The following PRKCQ variants were observed in gnomAD, a reference collection of about 807,000 sequenced individuals.
PRKCQ encodes the protein protein kinase C theta type.
A neutral mutation model predicts 91.2 loss-of-function variants in PRKCQ; 41 were observed. The observed-to-expected ratio is 0.45, with a 90% CI of 0.35 to 0.58. The LOEUF (loss-of-function observed/expected upper bound fraction) is 0.58, where lower values mean the gene tolerates loss of function less well. PRKCQ is among the 20% of genes least tolerant of loss of function. The probability of loss-of-function intolerance (pLI) is 0.00; values close to 1 mark genes in which losing one functional copy is unlikely to be tolerated. For synonymous variants in PRKCQ, 307 were observed against 316.9 expected (o/e 0.97, Z 0.33); for missense variants, 673 against 896.5 (o/e 0.75, Z 3.18).
chr10:6,455,787 C>G (rs1450930096), intron 15 of PRKCQ, among the ~76,000 whole-genome samples: 1 of 152,170 alleles, frequency 6.6e-6, no homozygotes, highest in Non-Finnish European at 1.5e-5. Flanking sequence ...GATGTGACCA[C>G]TGGGGGAAAC....
chr10:6,396,457 C>G, the PRKCQ span, among the ~76,000 whole-genome samples: 1 of 152,238 alleles, frequency 6.6e-6, no homozygotes, highest in African/African-American at 2.4e-5. Context: ...ATGTCAAGCC[C>G]TAGGCAAACA....
At chr10:6,535,112 A>T (rs1839532075) in intron 1 of PRKCQ, among the ~76,000 whole-genome samples, 1 of 152,176 alleles carries the variant, frequency 6.6e-6, no homozygotes, top group Admixed American at 6.5e-5. Context: ...AACCTGGCTC[A>T]CTTCTGCTGA....
At chr10:6,405,425 G>T in the PRKCQ span, among the ~76,000 whole-genome samples, 1 of 152,134 alleles carries the variant, frequency 6.6e-6, no homozygotes, top group Non-Finnish European at 1.5e-5. Context: ...CTCTCCTTTT[G>T]CGTCCTGGAC....
chr10:6,472,232 C>T lies in PRKCQ; in HGVS notation c.1353+6760G>A, dbSNP rs374764162. On this transcript the variant is annotated intron_variant, in intron 12 of 17. Coordinates refer to ENST00000263125, the MANE Select transcript of PRKCQ (RefSeq NM_006257.5). ...CTGAGGCAGGAGAATGGCGTGAACC[C>T]GGGAGGCAGAGCTTGCAGTGAGCCG... is the stretch of plus-strand genomic sequence containing the variant. 2.6e-5 allele frequency among the ~76,000 whole-genome samples: 4 copies of T among 152,064 alleles called. No individual in the cohort carries two copies. The South Asian group carries it at 6.2e-4, about 24-fold the overall frequency.
At chr10:6,395,054 G>GTTTTTTTTTTTTTTTTTT in the PRKCQ span, among the ~76,000 whole-genome samples, 2 of 129,952 alleles carry the variant, frequency 1.5e-5, no homozygotes, top group Non-Finnish European at 1.6e-5. Context: ...GGAAGCTGGA[G>GTTTTTTTTTTTTTTTTTT]TCTTTTTTTT....
chr10:6,564,005 A>G (rs1251713273), intron 1 of PRKCQ, among the ~76,000 whole-genome samples: 2 of 152,184 alleles, frequency 1.3e-5, no homozygotes, highest in African/African-American at 4.8e-5. Flanking sequence ...GAGCGTGAGG[A>G]AGTGCACTCA....
chr10:6,474,376 A>T (rs543502541), intron 12 of PRKCQ, among the ~76,000 whole-genome samples: 1 of 152,356 alleles, frequency 6.6e-6, no homozygotes, highest in East Asian at 1.9e-4. Flanking sequence ...GTGAAATAGT[A>T]ACACTACTTA....
chr10:6,580,271 G>A lies in PRKCQ; in HGVS notation c.-70C>T, dbSNP rs917131126. On this transcript the variant is annotated 5_prime_UTR_variant, in exon 1 of 18. Transcript: ENST00000263125. ...GCTGGGACTGCGCGGGGACTGCGCGGGGACTGCGCGGGGACTGGCGGGGCT... is the reference window on the plus strand; with the variant it reads ...GCTGGGACTGCGCGGGGACTGCGCGAGGACTGCGCGGGGACTGGCGGGGCT... 1.7e-5 allele frequency: 1 copy of A among 59,322 alleles called. No homozygotes were observed. Among genetic ancestry groups the A allele is most frequent in the Admixed American group, 1.4e-4 (1 of 7,094 alleles). The allele number at this position is 59,322 out of a possible 1,614,324, so 3.7% of individuals were successfully genotyped here.
At chr10:6,523,757 C>A (rs1347963840) in intron 1 of PRKCQ, among the ~76,000 whole-genome samples, 1 of 152,218 alleles carries the variant, frequency 6.6e-6, no homozygotes, top group African/African-American at 2.4e-5. Context: ...TAGATAGTCC[C>A]ACTAAGGCAT....
intron 15 of PRKCQ, among the ~76,000 whole-genome samples, chr10:6,445,279 G>A (rs148610348): frequency 2.6e-4 from 40 of 152,218 alleles, no homozygotes; most frequent in African/African-American, 9.1e-4. Context: ...CCACTCCTGG[G>A]AGACAGATCA....
chr10:6,517,453 A>T (rs975684474), intron 1 of PRKCQ, among the ~76,000 whole-genome samples: 34 of 151,928 alleles, frequency 2.2e-4, no homozygotes, highest in African/African-American at 7.5e-4. Flanking sequence ...ACATTTTCTC[A>T]GGCTTCCTTG....
intron 4 of PRKCQ, 117 bp from the exon 5 acceptor site, chr10:6,498,675 C>A: frequency 1.1e-6 from 1 of 916,578 alleles, no homozygotes. Flanking sequence ...GCTCTGAGTA[C>A]CTGCTGTAAC....
At chr10:6,413,348 C>T in the PRKCQ span, among the ~76,000 whole-genome samples, 1 of 152,182 alleles carries the variant, frequency 6.6e-6, no homozygotes, top group South Asian at 2.1e-4. Context: ...TAAAACTTCT[C>T]ATCAATGTCA....
chr10:6,446,324 A>T (rs1054751813), intron 15 of PRKCQ, among the ~76,000 whole-genome samples: 6 of 149,412 alleles, frequency 4.0e-5, no homozygotes, highest in Non-Finnish European at 8.9e-5. Context: ...TCTTGGTTTT[A>T]AACCTCAAGC....
At position 6,442,046 on chromosome 10, in the gene PRKCQ, G is replaced by A. The variant is rs113044394; in HGVS notation, c.1683C>T (p.Asp561=). 4.1e-4 allele frequency: 668 copies of A among 1,614,044 alleles called. 2 individuals are homozygous for A. The African/African-American group carries it at 8.0e-3, about 19-fold the overall frequency. Residue 561 remains aspartate (D), a synonymous_variant, in exon 16 of 18, where the codon GAC becomes GAT. Coordinates refer to ENST00000263125, the MANE Select transcript of PRKCQ (RefSeq NM_006257.5). Reference sequence around the variant, plus strand: ...AAAGGAGAACCCCGAAGGACCACCAGTCCACAGAGTGGTTGTATTTCTGAC... The same window carrying A: ...AAAGGAGAACCCCGAAGGACCACCAATCCACAGAGTGGTTGTATTTCTGAC... ...LLGQKYNHSV[D]WWSFGVLLYE... is the part of the protein sequence containing the mutation.
At chr10:6,542,352 T>C (rs1222639303) in intron 1 of PRKCQ, among the ~76,000 whole-genome samples, 1 of 152,226 alleles carries the variant, frequency 6.6e-6, no homozygotes, top group Non-Finnish European at 1.5e-5. Flanking sequence ...CTTGGAGAAA[T>C]ATCCTTGCAT....
At chr10:6,536,801 G>A (rs1839600725) in intron 1 of PRKCQ, among the ~76,000 whole-genome samples, 1 of 152,176 alleles carries the variant, frequency 6.6e-6, no homozygotes, top group African/African-American at 2.4e-5. Context: ...AGGTTTTCTG[G>A]GTAAGAACCC....
intron 3 of PRKCQ, among the ~76,000 whole-genome samples, chr10:6,508,415 G>T (rs1838305797): frequency 6.6e-6 from 1 of 152,214 alleles, no homozygotes; most frequent in Non-Finnish European, 1.5e-5. Context: ...CTGAATCGTG[G>T]CTAAATAATT....
At chr10:6,507,625 A>T (rs1454125401) in intron 3 of PRKCQ, 129 bp from the exon 4 acceptor site, 23 of 793,342 alleles carry the variant, frequency 2.9e-5, no homozygotes, top group Non-Finnish European at 4.3e-5. Flanking sequence ...TCTCCACTGT[A>T]CTCAAACTCA....
Sources: allele counts gnomAD v4.1 joint callset (sites outside exome capture counted in the v4.1 genomes callset), GRCh38; gene constraint gnomAD v4.1.1; transcripts MANE v1.5; gene names NCBI Gene and HGNC (gene_info 2026-07-23, HGNC 2026-07-21).